Variants in BRWD1 observed in about 807,000 individuals in gnomAD.
BRWD1 encodes bromodomain and WD repeat domain containing 1, also known as bromodomain and WD repeat-containing protein 1.
BRWD1 carries 82 observed loss-of-function variants against 251.2 expected under a neutral mutation model. That is an observed-to-expected ratio of 0.33 (90% CI 0.27 to 0.39). BRWD1 has a LOEUF of 0.39. BRWD1 is among the 10% of genes least tolerant of loss of function. The pLI is 1.00. For missense variants in BRWD1, 2,233 were observed against 2,711.6 expected, an observed-to-expected ratio of 0.82 and a Z score of 3.92; for synonymous variants, 918 against 902.8, an observed-to-expected ratio of 1.02 and a Z score of -0.30.
At position 39,280,254 on chromosome 21, in the gene BRWD1, A is replaced by T; in HGVS notation, c.832-6T>A. On this transcript the variant is annotated splice_region_variant and splice_polypyrimidine_tract_variant and intron_variant, in intron 8 of 40. Transcript: ENST00000342449. ...CCTTTGGCCATCGGGCTAAACTAAA[A>T]AGTAAAACATATACAATTCAGTTTC... 1.3e-6 allele frequency: 2 copies of T among 1,591,702 alleles called. No individual in the cohort carries two copies. Among genetic ancestry groups the T allele is most frequent in the Non-Finnish European group, 1.7e-6 (2 of 1,165,996 alleles).
chr21:39,255,943 A>C, intron 18 of BRWD1, 115 bp from the exon 19 acceptor site: 1 of 918,942 alleles, frequency 1.1e-6, no homozygotes, highest in African/African-American at 1.7e-5. Flanking sequence ...AACTAAGAGA[A>C]GATAGTATCT....
At chr21:39,310,248 G>A (rs957746393) in intron 4 of BRWD1, among the ~76,000 whole-genome samples, 1 of 152,238 alleles carries the variant, frequency 6.6e-6, no homozygotes, top group Non-Finnish European at 1.5e-5. Flanking sequence ...AGGCGCAGTG[G>A]CTCACGCCTG....
chr21:39,203,435 G>GCTTTTTTT (rs2032213761), intron 37 of BRWD1, among the ~76,000 whole-genome samples: 1 of 139,402 alleles, frequency 7.2e-6, no homozygotes, highest in African/African-American at 2.7e-5. Flanking sequence ...CAAGACCCTG[G>GCTTTTTTT]TTCTTTTTTT....
At chr21:39,295,175 GTTTTTTTTTTT>G (rs869129436) in intron 7 of BRWD1, among the ~76,000 whole-genome samples, 64 of 64,736 alleles carry the variant, frequency 9.9e-4, no homozygotes, top group African/African-American at 3.2e-3. Flanking sequence ...GTATGTCTAT[GTTTTTTTTTTT>G]TTTTTTTTTT....
intron 36 of BRWD1, 165 bp downstream of exon 36, chr21:39,209,830 A>G (rs1393814214): frequency 1.6e-6 from 1 of 636,142 alleles, no homozygotes; most frequent in Admixed American, 3.5e-5. Context: ...TATGAGCAGT[A>G]GCAGAAGCTC....
At chr21:39,307,331 T>C (rs960025085) in intron 4 of BRWD1, among the ~76,000 whole-genome samples, 25 of 152,208 alleles carry the variant, frequency 1.6e-4, no homozygotes, top group African/African-American at 5.8e-4. Flanking sequence ...GATTTCAAAT[T>C]TATTTTGTAA....
Position 39,187,112 on chromosome 21 carries a change from A to G in BRWD1, c.*9147T>C, listed in dbSNP as rs758100886. 6.2e-7 allele frequency: 1 copy of G among 1,607,026 alleles called. No individual in the cohort carries two copies. Among genetic ancestry groups the G allele is most frequent in the Non-Finnish European group, 8.5e-7 (1 of 1,178,314 alleles). ...TCTTCTAGCTCTTTTTCACTTTCAG[A>G]ATTTATGGTTGTATCATCCTCTTTA... is the stretch of plus-strand genomic sequence containing the variant. On this transcript the variant is annotated 3_prime_UTR_variant, in exon 41 of 41. Transcript: ENST00000342449.
intron 17 of BRWD1, among the ~76,000 whole-genome samples, chr21:39,260,318 T>A (rs2034700448): frequency 6.6e-6 from 1 of 151,286 alleles, no homozygotes; most frequent in South Asian, 2.1e-4. Flanking sequence ...TTCTTTTTGG[T>A]AGACACAAAG....
intron 8 of BRWD1, among the ~76,000 whole-genome samples, chr21:39,281,652 A>G (rs1377141983): frequency 6.6e-6 from 1 of 152,216 alleles, no homozygotes; most frequent in African/African-American, 2.4e-5. Context: ...CAACATGGTG[A>G]AACACCACCT....
At chr21:39,217,027 A>ATATATAAATATATATATATATT (rs2032935412) in intron 31 of BRWD1, 1 of 21,278 alleles carries the variant, frequency 4.7e-5, no homozygotes, top group Non-Finnish European at 9.7e-5. Flanking sequence ...ATATATATAT[A>ATATATAAATATATATATATATT]TATATATAAA....
chr21:39,234,604 A>G (rs1240172361), intron 23 of BRWD1, among the ~76,000 whole-genome samples: 4 of 152,196 alleles, frequency 2.6e-5, no homozygotes, highest in African/African-American at 4.8e-5. Context: ...GACCCCAGAA[A>G]ACTCACACCC....
chr21:39,257,475 C>G (rs2034596612), intron 18 of BRWD1, among the ~76,000 whole-genome samples: 1 of 151,936 alleles, frequency 6.6e-6, no homozygotes, highest in African/African-American at 2.4e-5. Context: ...TACCAGTGCT[C>G]TGAGGAAACT....
At chr21:39,290,360 G>A (rs2035772242) in intron 8 of BRWD1, among the ~76,000 whole-genome samples, 1 of 151,514 alleles carries the variant, frequency 6.6e-6, no homozygotes, top group Non-Finnish European at 1.5e-5. Flanking sequence ...GTGGTGGCAC[G>A]TGCCTGTAGC....
intron 9 of BRWD1, among the ~76,000 whole-genome samples, chr21:39,279,500 G>A (rs55836299): frequency 0.3 from 46,008 of 151,402 alleles, 7,464 homozygotes; most frequent in Middle Eastern, 0.37. Flanking sequence ...TTAGCTGGAC[G>A]TGGTGGCGGG....
In BRWD1 at chr21:39,192,380, C is replaced by T. The variant is rs575157079; in HGVS notation, c.*3879G>A. 1.0e-6 allele frequency: 1 copy of T among 984,736 alleles called. No homozygotes were observed. Among genetic ancestry groups the T allele is most frequent in the East Asian group, 1.1e-4 (1 of 8,810 alleles). 61.0% of individuals were successfully genotyped at this position (984,736 alleles called of 1,614,324 possible). A position where few individuals can be genotyped will look rare whatever the true frequency, so the allele number is the denominator to read the frequency against. On this transcript the variant is annotated 3_prime_UTR_variant, in exon 41 of 41. Coordinates refer to ENST00000342449, the MANE Select transcript of BRWD1 (RefSeq NM_033656.4). ...CCTAGTTTTGACAAATTTATTCCTT[C>T]TCTTCCCAAATACTAGGATAAGAGA...
chr21:39,301,572 G>C (rs1397054376), intron 4 of BRWD1, among the ~76,000 whole-genome samples: 1 of 152,108 alleles, frequency 6.6e-6, no homozygotes, highest in African/African-American at 2.4e-5. Context: ...TAAAACCCCA[G>C]TTCTGCCAAT....
intron 8 of BRWD1, among the ~76,000 whole-genome samples, chr21:39,293,370 G>A (rs9982111): frequency 0.6 from 90,626 of 151,424 alleles, 27,304 homozygotes; most frequent in Admixed American, 0.66. Flanking sequence ...GTGGACACCT[G>A]TAATTCTAGC....
chr21:39,217,051 TTA>T (rs1192153828), intron 31 of BRWD1: 25 of 21,192 alleles, frequency 1.2e-3, no homozygotes, highest in Non-Finnish European at 1.9e-3. Flanking sequence ...ATATATATAT[TTA>T]TATATATATA....
chr21:39,265,050 C>T (rs1392474098), intron 15 of BRWD1, 31 bp from the exon 16 acceptor site: 6 of 1,602,248 alleles, frequency 3.7e-6, no homozygotes, highest in Non-Finnish European at 5.1e-6. Flanking sequence ...AAAGTTAGGA[C>T]CAATTCTATG....
Sources: allele counts gnomAD v4.1 joint callset (sites outside exome capture counted in the v4.1 genomes callset), GRCh38; gene constraint gnomAD v4.1.1; transcripts MANE v1.5; gene names NCBI Gene and HGNC (gene_info 2026-07-23, HGNC 2026-07-21).